Variants in MEF2A observed in about 807,000 individuals in gnomAD.
The protein encoded by MEF2A is myocyte-specific enhancer factor 2A.
MEF2A carries 28 observed loss-of-function variants against 55.8 expected under a neutral mutation model. That is an observed-to-expected ratio of 0.50 (90% CI 0.37 to 0.69). MEF2A has a LOEUF of 0.69. Ranked by LOEUF, MEF2A falls within the 30% of genes least tolerant of loss-of-function variation. The probability of loss-of-function intolerance (pLI) is 0.00; values close to 1 mark genes in which losing one functional copy is unlikely to be tolerated. For missense variants in MEF2A, 528 were observed against 626.2 expected (o/e 0.84, Z 1.67); for synonymous variants, 239 against 227.1 (o/e 1.05, Z -0.47).
chr15:99,654,393 T>A (rs1029120477), intron 4 of MEF2A, among the ~76,000 whole-genome samples: 1 of 152,050 alleles, frequency 6.6e-6, no homozygotes, highest in East Asian at 1.9e-4. Flanking sequence ...ATTTTAAATC[T>A]TATTAAGTTT....
At chr15:99,662,995 T>G (rs1157848227) in intron 4 of MEF2A, among the ~76,000 whole-genome samples, 1 of 152,236 alleles carries the variant, frequency 6.6e-6, no homozygotes, top group Admixed American at 6.5e-5. Flanking sequence ...TTGAGTAGTT[T>G]TAATTCCATA....
At position 99,582,923 on chromosome 15, in the gene MEF2A, C is replaced by T. The variant is rs74957668; in HGVS notation, c.-224-15507C>T. 7.4e-3 allele frequency among the ~76,000 whole-genome samples: 1,127 copies of T among 152,166 alleles called. 5 individuals are homozygous for T. Among genetic ancestry groups the T allele is most frequent in the Non-Finnish European group, 0.012 (845 of 67,960 alleles). On this transcript the variant is annotated intron_variant, in intron 1 of 11. Transcript: ENST00000557942. Reference sequence around the variant, plus strand: ...ACTAGGTAATGTGCAATTCTTAGGGCAGTAGCTATAAATCACCCCAGTTCT... The same window carrying T: ...ACTAGGTAATGTGCAATTCTTAGGGTAGTAGCTATAAATCACCCCAGTTCT...
chr15:99,711,620 C>T (rs1053955033), intron 11 of MEF2A, among the ~76,000 whole-genome samples: 3 of 152,208 alleles, frequency 2.0e-5, no homozygotes, highest in Non-Finnish European at 2.9e-5. Flanking sequence ...ATACCCCAGG[C>T]CCCTAGCCTC....
chr15:99,580,746 T>G (rs1200423781), intron 1 of MEF2A, among the ~76,000 whole-genome samples: 2 of 152,252 alleles, frequency 1.3e-5, no homozygotes, highest in Non-Finnish European at 2.9e-5. Context: ...TATTCCAATG[T>G]CAATCTAACA....
chr15:99,679,589 A>G (rs1390813755), intron 7 of MEF2A, among the ~76,000 whole-genome samples: 1 of 152,212 alleles, frequency 6.6e-6, no homozygotes, highest in East Asian at 1.9e-4. Context: ...AATTCACAAT[A>G]GTGGTTACTT....
intron 1 of MEF2A, among the ~76,000 whole-genome samples, chr15:99,588,171 C>T (rs1470088332): frequency 1.3e-5 from 2 of 151,646 alleles, no homozygotes; most frequent in African/African-American, 4.8e-5. Flanking sequence ...GGCTGTTGTA[C>T]AGTGGCACCG....
intron 2 of MEF2A, among the ~76,000 whole-genome samples, chr15:99,617,894 A>C (rs2040475212): frequency 6.6e-6 from 1 of 152,098 alleles, no homozygotes; most frequent in Non-Finnish European, 1.5e-5. Flanking sequence ...TTCATCTTTT[A>C]TTCTCGTAGT....
At chr15:99,573,550 T>C (rs1157104886) in intron 1 of MEF2A, among the ~76,000 whole-genome samples, 1 of 152,204 alleles carries the variant, frequency 6.6e-6, no homozygotes, top group Non-Finnish European at 1.5e-5. Flanking sequence ...GTATTTCCAG[T>C]TTGAAATGCA....
At chr15:99,622,182 GA>G (rs1469073190) in intron 2 of MEF2A, among the ~76,000 whole-genome samples, 2 of 152,122 alleles carry the variant, frequency 1.3e-5, no homozygotes, top group African/African-American at 2.4e-5. Flanking sequence ...TCTGGTTCCT[GA>G]TTTTTTAAAA....
intron 1 of MEF2A, among the ~76,000 whole-genome samples, chr15:99,578,365 T>C (rs1048429391): frequency 6.6e-6 from 1 of 152,230 alleles, no homozygotes; most frequent in Non-Finnish European, 1.5e-5. Flanking sequence ...GCTTTGGCAT[T>C]GAGAGCTCTG....
Position 99,652,438 on chromosome 15 carries a change from G to A in MEF2A, c.258+6674G>A, listed in dbSNP as rs1310770892. On this transcript the variant is annotated intron_variant, in intron 4 of 11. Coordinates refer to ENST00000557942, the MANE Select transcript of MEF2A (RefSeq NM_001319206.4). ...TGCTGTGCAACCTGGTTCCTAACAGGGTCTGTGGCCCCGGGGGTTAGGGAC... is the reference window on the plus strand; with the variant it reads ...TGCTGTGCAACCTGGTTCCTAACAGAGTCTGTGGCCCCGGGGGTTAGGGAC... 3.3e-5 allele frequency among the ~76,000 whole-genome samples: 5 copies of A among 152,128 alleles called. No homozygotes were observed. The East Asian group carries it at 9.6e-4, about 29-fold the overall frequency.
At position 99,640,957 on chromosome 15, in the gene MEF2A, T is replaced by C. The variant is rs374648122; in HGVS notation, c.55-4604T>C. Among the ~76,000 whole-genome samples the C allele has an allele frequency of 1.2e-4, 18 of 152,296 alleles. No homozygotes were observed. In the East Asian group the frequency reaches 1.9e-3, roughly 16 times the overall value. ...TATGAGAGGCTGCATATTGGTTTTT[T>C]ATCTAGTTTGATCCATCTCTTAACC... On this transcript the variant is annotated intron_variant, in intron 3 of 11. Coordinates refer to ENST00000557942, the MANE Select transcript of MEF2A (RefSeq NM_001319206.4).
intron 1 of MEF2A, among the ~76,000 whole-genome samples, chr15:99,596,182 G>T (rs895084931): frequency 2.6e-5 from 4 of 152,146 alleles, no homozygotes; most frequent in African/African-American, 9.7e-5. Flanking sequence ...AATGCATTTT[G>T]AGATGAGAAT....
At chr15:99,602,088 TAAGGCAG>T (rs1364482268) in intron 2 of MEF2A, among the ~76,000 whole-genome samples, 7 of 152,176 alleles carry the variant, frequency 4.6e-5, no homozygotes, top group African/African-American at 1.7e-4. Context: ...CTGAGGGGTA[TAAGGCAG>T]AAGGAGAGAC....
At chr15:99,569,623 C>G (rs989293076) in intron 1 of MEF2A, among the ~76,000 whole-genome samples, 1 of 152,126 alleles carries the variant, frequency 6.6e-6, no homozygotes, top group Non-Finnish European at 1.5e-5. Flanking sequence ...TCAGTGAATT[C>G]TGTCTTTTAG....
chr15:99,568,998 A>T (rs533832385), intron 1 of MEF2A, among the ~76,000 whole-genome samples: 2 of 152,290 alleles, frequency 1.3e-5, no homozygotes, highest in Admixed American at 1.3e-4. Flanking sequence ...CTTCTCTCCT[A>T]ATGTTTAAAT....
chr15:99,566,332 G>C (rs1015696813), intron 1 of MEF2A, among the ~76,000 whole-genome samples: 4 of 149,334 alleles, frequency 2.7e-5, no homozygotes, highest in African/African-American at 9.9e-5. Context: ...TAGGGTGCTG[G>C]GAGGCGGGTA....
At chr15:99,629,050 G>C (rs1393218613) in intron 2 of MEF2A, among the ~76,000 whole-genome samples, 1 of 150,644 alleles carries the variant, frequency 6.6e-6, no homozygotes, top group Non-Finnish European at 1.5e-5. Flanking sequence ...CTGTCTTCTG[G>C]CTTTTATTAT....
chr15:99,599,968 T>C (rs1176455581), intron 2 of MEF2A, among the ~76,000 whole-genome samples: 2 of 152,170 alleles, frequency 1.3e-5, no homozygotes, highest in Non-Finnish European at 2.9e-5. Context: ...ATGCAAATAC[T>C]GCACCATTTT....
Sources: allele counts gnomAD v4.1 joint callset (sites outside exome capture counted in the v4.1 genomes callset), GRCh38; gene constraint gnomAD v4.1.1; transcripts MANE v1.5; gene names NCBI Gene and HGNC (gene_info 2026-07-23, HGNC 2026-07-21).